Variants in AGL observed in about 807,000 individuals in gnomAD.
The protein encoded by AGL is glycogen debranching enzyme.
A neutral mutation model predicts 199.3 loss-of-function variants in AGL; 128 were observed. The ratio of observed to expected loss-of-function variants is 0.64; its 90% CI spans 0.56 to 0.74. The LOEUF (loss-of-function observed/expected upper bound fraction) is 0.74, where lower values mean the gene tolerates loss of function less well. AGL is among the 30% of genes least tolerant of loss of function. The pLI is 0.00. For missense variants in AGL, 1,809 were observed against 1,820.8 expected (o/e 0.99, Z 0.12); for synonymous variants, 584 against 594.7 (o/e 0.98, Z 0.26).
chr1:99,856,261 T>C (rs901838508), intron 2 of AGL, among the ~76,000 whole-genome samples: 9 of 151,820 alleles, frequency 5.9e-5, no homozygotes, highest in Non-Finnish European at 1.0e-4. Context: ...TGCGCTGATA[T>C]ATCTATTGGG....
intron 2 of AGL, among the ~76,000 whole-genome samples, chr1:99,855,541 C>G (rs551740643): frequency 6.6e-6 from 1 of 152,146 alleles, no homozygotes. Flanking sequence ...TGGCTTACTC[C>G]TGTAATCCCG....
chr1:99,864,515 T>C lies in AGL; in HGVS notation c.590T>C (p.Val197Ala). The change falls in exon 5 of 34, where the codon GTT becomes GCT. Residue 197 changes from valine to alanine, a missense_variant. Transcript: ENST00000361915. ...AATAGAAAGTATACCTGGAATGATG[T>C]TGGACAGCTAGTGGAAAAATTAAAA... is the stretch of plus-strand genomic sequence containing the variant. ...RPNRKYTWND[V>A]GQLVEKLKKE... 1 of 1,613,970 alleles carries C rather than the reference T, an allele frequency of 6.2e-7. No individual in the cohort carries two copies. Among genetic ancestry groups the C allele is most frequent in the Non-Finnish European group, 8.5e-7 (1 of 1,179,926 alleles).
At chr1:99,900,008 C>A (rs996901984) in intron 25 of AGL, among the ~76,000 whole-genome samples, 2 of 151,920 alleles carry the variant, frequency 1.3e-5, no homozygotes, top group Non-Finnish European at 2.9e-5. Context: ...CAGCTCACTG[C>A]AACCTCTGCC....
At chr1:99,906,532 C>G (rs1341186143) in intron 27 of AGL, among the ~76,000 whole-genome samples, 1 of 152,130 alleles carries the variant, frequency 6.6e-6, no homozygotes, top group African/African-American at 2.4e-5. Context: ...AGTTCTTCCT[C>G]CTCTATCCCC....
At chr1:99,868,094 T>C (rs930713853) in intron 5 of AGL, among the ~76,000 whole-genome samples, 2 of 152,230 alleles carry the variant, frequency 1.3e-5, no homozygotes, top group East Asian at 3.9e-4. Context: ...TTAAATTGTT[T>C]TGCTAGGGAC....
At chr1:99,882,833 T>C (rs1245320093) in intron 17 of AGL, among the ~76,000 whole-genome samples, 1 of 152,204 alleles carries the variant, frequency 6.6e-6, no homozygotes, top group Admixed American at 6.5e-5. Flanking sequence ...CATCATATTC[T>C]ATATTGGTTG....
At chr1:99,879,817 T>TA in intron 12 of AGL, 106 bp from the exon 13 acceptor site, 1 of 884,974 alleles carries the variant, frequency 1.1e-6, no homozygotes, top group Non-Finnish European at 1.9e-6. Flanking sequence ...TGCTGCATAT[T>TA]TTTCTATGTC....
At position 99,902,449 on chromosome 1, in the gene AGL, C is replaced by A. The variant is rs188461397; in HGVS notation, c.3589-234C>A. Among the ~76,000 whole-genome samples the A allele has an allele frequency of 3.9e-5, 6 of 152,266 alleles. No homozygotes were observed. In the East Asian group the frequency reaches 1.2e-3, roughly 29 times the overall value. On this transcript the variant is annotated intron_variant, in intron 26 of 33. Transcript: ENST00000361915. ...CACTAGATTTGTTTTTGTGTATCAG[C>A]AGATTATTTTATGTCACAGACATGA... is the stretch of plus-strand genomic sequence containing the variant.
At chr1:99,881,861 G>C (rs1652060918) in intron 17 of AGL, among the ~76,000 whole-genome samples, 170 bp downstream of exon 17, 1 of 152,098 alleles carries the variant, frequency 6.6e-6, no homozygotes, top group South Asian at 2.1e-4. Context: ...GGCCAGGTAT[G>C]ATGGCTCACA....
At chr1:99,901,842 A>G (rs1419562419) in intron 26 of AGL, among the ~76,000 whole-genome samples, 1 of 152,006 alleles carries the variant, frequency 6.6e-6, no homozygotes, top group Non-Finnish European at 1.5e-5. Context: ...ATTTATTTAT[A>G]TCATGAAGTA....
chr1:99,907,038 T>G (rs1199412939), intron 27 of AGL, among the ~76,000 whole-genome samples: 1 of 152,236 alleles, frequency 6.6e-6, no homozygotes. Context: ...TCTGTTCTTT[T>G]GATAGTTACC....
At chr1:99,871,255 A>G (rs1650977457) in intron 7 of AGL, among the ~76,000 whole-genome samples, 1 of 152,274 alleles carries the variant, frequency 6.6e-6, no homozygotes, top group African/African-American at 2.4e-5. Flanking sequence ...GTCTATAGTA[A>G]GAACCTTAAC....
rs1287510327 is a variant in AGL, at chr1:99,916,704, T to A, written c.4454T>A (p.Leu1485His). 5 of 1,613,376 alleles carry A rather than the reference T, an allele frequency of 3.1e-6. No homozygotes were observed. Among genetic ancestry groups the A allele is most frequent in the Non-Finnish European group, 4.2e-6 (5 of 1,179,524 alleles). The change falls in exon 33 of 34, where the codon CTT becomes CAT. Residue 1485 changes from leucine to histidine, a missense_variant. By Grantham distance (99) the Leu-to-His change is moderately conservative. Transcript: ENST00000361915. Reference sequence around the variant, plus strand: ...ACTATAGTTTTGGTTAAAAATGTTCTTTCCCGACATTATGTTCATCTTGAG... The same window carrying A: ...ACTATAGTTTTGGTTAAAAATGTTCATTCCCGACATTATGTTCATCTTGAG... ...AKTIVLVKNV[L>H]SRHYVHLERS...
Position 99,864,389 on chromosome 1 carries a change from AC to A in AGL, c.465del (p.Tyr155Ter). Reference protein sequence around the residue: ...SRLRVAKESGYNMIHFTPLQT... With the variant: ...SRLRVAKESGXNMIHFTPLQT... ...CTTTCCTTTATTTGCTTTGCAGGCTACAACATGATTCATTTTACCCCATTGC... is the reference window on the plus strand; with the variant it reads ...CTTTCCTTTATTTGCTTTGCAGGCTAAACATGATTCATTTTACCCCATTGC... On this transcript the variant is annotated frameshift_variant, in exon 5 of 34. Transcript: ENST00000361915. LOFTEE classifies it high-confidence loss of function. The A allele has an allele frequency of 6.2e-7, 1 of 1,613,010 alleles. No homozygotes were observed. The highest frequency in any genetic ancestry group is 1.7e-5 in the Admixed American group (1 of 60,014).
intron 27 of AGL, among the ~76,000 whole-genome samples, chr1:99,903,594 A>G (rs1383172202): frequency 6.6e-6 from 1 of 152,204 alleles, no homozygotes; most frequent in Non-Finnish European, 1.5e-5. Flanking sequence ...TGCAATGAAC[A>G]TACGTGTGCA....
Position 99,907,693 on chromosome 1 carries a change from G to GTTTTTGTTTTTTTT in AGL, c.3701-3014_3701-3013insGTTTTTTTTTTTTT, listed in dbSNP as rs1553191714. On this transcript the variant is annotated intron_variant, in intron 27 of 33. Transcript: ENST00000361915. Reference sequence around the variant, plus strand: ...TTTTGTTCGTTTGTTTTTGTTTTTTGTTTTTTTTGCTAGTAGCCATCCTAA... The same window carrying GTTTTTGTTTTTTTT: ...TTTTGTTCGTTTGTTTTTGTTTTTTGTTTTTGTTTTTTTTTTTTTTTTGCTAGTAGCCATCCTAA... 1.0e-3 allele frequency among the ~76,000 whole-genome samples: 121 copies of GTTTTTGTTTTTTTT among 118,974 alleles called. 5 individuals carry two copies. Among genetic ancestry groups the GTTTTTGTTTTTTTT allele is most frequent in the Non-Finnish European group, 1.7e-3 (97 of 55,848 alleles). 78.1% of individuals were successfully genotyped at this position (118,974 alleles called of 152,430 possible). A position where few individuals can be genotyped will look rare whatever the true frequency, so the allele number is the denominator to read the frequency against.
chr1:99,878,821 T>C (rs1651781436), intron 12 of AGL, among the ~76,000 whole-genome samples: 1 of 152,180 alleles, frequency 6.6e-6, no homozygotes, highest in South Asian at 2.1e-4. Flanking sequence ...GAACATTGTT[T>C]AGTTCCAAAA....
rs1057516567 is a variant in AGL at position 99,861,524 on chromosome 1, T to G, written c.104T>G (p.Leu35Ter). ...LEQGYELQFR[L>*]GPTLQGKAVT... ...TTAGGGTATGAGCTACAGTTCCGAT[T>G]AGGCCCAACTTTACAGGGAAAAGCA... The change falls in exon 3 of 34, where the codon TTA becomes TGA. Residue 35 changes from leucine to a stop codon, truncating the protein, a stop_gained. Transcript: ENST00000361915. LOFTEE classifies it high-confidence loss of function. The G allele has an allele frequency of 1.2e-6, 2 of 1,614,010 alleles. No homozygotes were observed. The highest frequency in any genetic ancestry group is 2.2e-5 in the South Asian group (2 of 91,078).
chr1:99,874,878 T>C (rs1304243264), intron 8 of AGL, 68 bp downstream of exon 8: 9 of 1,536,790 alleles, frequency 5.9e-6, no homozygotes, highest in African/African-American at 2.7e-5. Context: ...AGTATGATTT[T>C]CATACTACTT....
Sources: gnomAD v4.1 joint callset for allele counts (sites outside exome capture counted in the v4.1 genomes callset) on GRCh38, gnomAD v4.1.1 for gene constraint, MANE v1.5 for transcripts, NCBI Gene and HGNC (gene_info 2026-07-23, HGNC 2026-07-21) for gene names.